Variants in AKR1B10 observed in about 807,000 individuals in gnomAD.
AKR1B10 encodes ARP.
AKR1B10 carries 39 observed loss-of-function variants against 38.9 expected under a neutral mutation model. The ratio of observed to expected loss-of-function variants is 1.00; its 90% CI spans 0.78 to 1.31. AKR1B10 has a LOEUF of 1.31. Ranked by LOEUF, AKR1B10 falls within the 50% of genes most tolerant of loss-of-function variation. The probability of loss-of-function intolerance (pLI) is 0.00; values close to 1 mark genes in which losing one functional copy is unlikely to be tolerated. For synonymous variants in AKR1B10, 148 were observed against 141.2 expected (o/e 1.05, Z -0.34); for missense variants, 361 against 382.6 (o/e 0.94, Z 0.47).
chr7:134,539,094 A>T, intron 9 of AKR1B10, 77 bp downstream of exon 9: 1 of 1,568,518 alleles, frequency 6.4e-7, no homozygotes, highest in Non-Finnish European at 8.7e-7. Context: ...GAAGGATTGG[A>T]AGGCTGCTGG....
intron 1 of AKR1B10, 123 bp from the exon 2 acceptor site, chr7:134,530,520 C>T (rs754474648): frequency 1.0e-4 from 105 of 1,023,738 alleles, no homozygotes; most frequent in Non-Finnish European, 1.5e-4. Flanking sequence ...GGTGTAATTC[C>T]AGCTACTCGG....
rs1585749668 is a variant in AKR1B10, at chr7:134,529,228, T to C, written c.66+1251T>C. Among the ~76,000 whole-genome samples the C allele has an allele frequency of 2.0e-5, 3 of 152,224 alleles. No homozygotes were observed. In the South Asian group the frequency reaches 6.2e-4, roughly 31 times the overall value. On this transcript the variant is annotated intron_variant, in intron 1 of 9. Coordinates refer to ENST00000359579, the MANE Select transcript of AKR1B10 (RefSeq NM_020299.5). ...CAAGCTAGAGGTTAGGACCCTCTGCTGCAGCACTGGGTCATCCTCAGGATA... is the reference window on the plus strand; with the variant it reads ...CAAGCTAGAGGTTAGGACCCTCTGCCGCAGCACTGGGTCATCCTCAGGATA...
At chr7:134,534,534 A>G (rs1196497170) in intron 4 of AKR1B10, among the ~76,000 whole-genome samples, 4 of 152,244 alleles carry the variant, frequency 2.6e-5, no homozygotes. Context: ...GAATGAATAC[A>G]AGAACGACTG....
At chr7:134,528,059 C>A in intron 1 of AKR1B10, 82 bp downstream of exon 1, 2 of 1,552,990 alleles carry the variant, frequency 1.3e-6, no homozygotes, top group East Asian at 2.3e-5. Context: ...GCCAGGAAAG[C>A]CTGGAGGTCG....
At position 134,541,252 on chromosome 7, in the gene AKR1B10, A is replaced by G; in HGVS notation, c.*163A>G. ...TGCTGTTTTAGACATTTATTTCTGT[A>G]TGTTCAACTAGGATCAGAATATCAC... On this transcript the variant is annotated 3_prime_UTR_variant, in exon 10 of 10. Coordinates refer to ENST00000359579, the MANE Select transcript of AKR1B10 (RefSeq NM_020299.5). 1 of 565,712 alleles carries G rather than the reference A, an allele frequency of 1.8e-6. No homozygotes were observed. The highest frequency in any genetic ancestry group is 3.1e-5 in the East Asian group (1 of 32,028). The allele number at this position is 565,712 out of a possible 1,614,324, so 35.0% of individuals were successfully genotyped here.
chr7:134,537,997 T>A, intron 7 of AKR1B10, 197 bp from the exon 8 acceptor site: 1 of 648,308 alleles, frequency 1.5e-6, no homozygotes, highest in Non-Finnish European at 2.7e-6. Flanking sequence ...AAAAGGAAGA[T>A]CACAGGGTTG....
intron 8 of AKR1B10, 30 bp downstream of exon 8, chr7:134,538,307 T>C: frequency 6.3e-7 from 1 of 1,595,210 alleles, no homozygotes; most frequent in Non-Finnish European, 8.6e-7. Context: ...GCCCTGGTAT[T>C]CCTCAGTGGA....
At chr7:134,532,136 T>G in intron 3 of AKR1B10, 112 bp downstream of exon 3, 4 of 1,284,254 alleles carry the variant, frequency 3.1e-6, no homozygotes, top group Non-Finnish European at 4.5e-6. Context: ...TTGCATTTCA[T>G]AATTGGGAAT....
At chr7:134,532,906 A>T in intron 3 of AKR1B10, 98 bp from the exon 4 acceptor site, 1 of 960,176 alleles carries the variant, frequency 1.0e-6, no homozygotes, top group African/African-American at 1.7e-5. Flanking sequence ...TGGTATGCAG[A>T]TGTGGTATTT....
chr7:134,536,987 C>T, intron 5 of AKR1B10, 64 bp from the exon 6 acceptor site: 1 of 1,553,792 alleles, frequency 6.4e-7, no homozygotes, highest in Non-Finnish European at 8.7e-7. Flanking sequence ...GTGTGTAGAA[C>T]TCCCTAGGAA....
chr7:134,528,831 A>T (rs1807771049), intron 1 of AKR1B10, among the ~76,000 whole-genome samples: 2 of 152,214 alleles, frequency 1.3e-5, no homozygotes, highest in South Asian at 4.1e-4. Flanking sequence ...CTGCACTTTA[A>T]CAAGATCCCT....
chr7:134,532,128 G>A (rs2117540621), intron 3 of AKR1B10, 104 bp downstream of exon 3: 6 of 1,369,440 alleles, frequency 4.4e-6, no homozygotes, highest in Non-Finnish European at 6.2e-6. Context: ...AGGAGGCCTT[G>A]CATTTCATAA....
In AKR1B10 at chr7:134,541,388, T is replaced by TA. The variant is rs565285053; in HGVS notation, c.*307dup. On this transcript the variant is annotated 3_prime_UTR_variant, in exon 10 of 10. Coordinates refer to ENST00000359579, the MANE Select transcript of AKR1B10 (RefSeq NM_020299.5). ...CCAACACTGAGGATGTAAAGATCAATAAAAAAAATAATAATCATAACCAAC... is the reference window on the plus strand; with the variant it reads ...CCAACACTGAGGATGTAAAGATCAATAAAAAAAAATAATAATCATAACCAAC... 2.2e-4 allele frequency: 67 copies of TA among 309,098 alleles called. No individual in the cohort carries two copies. The highest frequency in any genetic ancestry group is 6.5e-4 in the East Asian group (7 of 10,750). The allele number at this position is 309,098 out of a possible 1,614,324, so 19.1% of individuals were successfully genotyped here. A position where few individuals can be genotyped will look rare whatever the true frequency, so the allele number is the denominator to read the frequency against.
rs535635131 is a variant in AKR1B10 at position 134,538,229 on chromosome 7, T to A, written c.777T>A (p.Ile259=). Residue 259 remains isoleucine (I), a synonymous_variant, in exon 8 of 10, where the codon ATT becomes ATA. Coordinates refer to ENST00000359579, the MANE Select transcript of AKR1B10 (RefSeq NM_020299.5). Reference sequence around the variant, plus strand: ...GTTTCCATATCCAGAGGAATGTGATTGTCATCCCCAAGTCTGTGACACCAG... The same window carrying A: ...GTTTCCATATCCAGAGGAATGTGATAGTCATCCCCAAGTCTGTGACACCAG... ...LIRFHIQRNV[I]VIPKSVTPAR... is the part of the protein sequence containing the mutation. 1.1e-4 allele frequency: 177 copies of A among 1,614,050 alleles called. 1 individual carries two copies. The highest frequency in any genetic ancestry group is 4.2e-4 in the East Asian group (19 of 44,878).
intron 2 of AKR1B10, 96 bp from the exon 3 acceptor site, chr7:134,531,812 G>T: frequency 1.4e-6 from 2 of 1,415,010 alleles, no homozygotes; most frequent in Non-Finnish European, 2.0e-6. Context: ...CTTGTGGTGG[G>T]TTAGATGAGG....
At chr7:134,536,207 G>A (rs572418738) in intron 4 of AKR1B10, among the ~76,000 whole-genome samples, 44 of 152,232 alleles carry the variant, frequency 2.9e-4, no homozygotes, top group Non-Finnish European at 5.4e-4. Flanking sequence ...AACACAGCTT[G>A]CCCAGGTTTG....
At chr7:134,532,879 T>G in intron 3 of AKR1B10, 125 bp from the exon 4 acceptor site, 1 of 733,878 alleles carries the variant, frequency 1.4e-6, no homozygotes, top group Non-Finnish European at 2.3e-6. Flanking sequence ...AAGTATGTAC[T>G]CCAGAACTTG....
intron 4 of AKR1B10, among the ~76,000 whole-genome samples, chr7:134,534,203 C>T (rs943488725): frequency 1.3e-5 from 2 of 152,196 alleles, no homozygotes; most frequent in Non-Finnish European, 2.9e-5. Context: ...CTCACTGCAA[C>T]GTCCCTCTAC....
At chr7:134,535,370 C>T (rs1486710637) in intron 4 of AKR1B10, among the ~76,000 whole-genome samples, 1 of 151,944 alleles carries the variant, frequency 6.6e-6, no homozygotes, top group East Asian at 1.9e-4. Flanking sequence ...ACCCCTGTTC[C>T]AATCCTCCTG....
Sources: gnomAD v4.1 joint callset for allele counts (sites outside exome capture counted in the v4.1 genomes callset) on GRCh38, gnomAD v4.1.1 for gene constraint, MANE v1.5 for transcripts, NCBI Gene and HGNC (gene_info 2026-07-23, HGNC 2026-07-21) for gene names.